Variants in SRGAP2B observed in about 807,000 individuals in gnomAD.
The protein encoded by SRGAP2B is SLIT-ROBO Rho GTPase-activating protein 2B.
Under a neutral mutation model 22.2 loss-of-function variants are expected in SRGAP2B, and 9 were observed. That is an observed-to-expected ratio of 0.41 (90% CI 0.24 to 0.71). The LOEUF (loss-of-function observed/expected upper bound fraction) is 0.71. Among genes scored for constraint, SRGAP2B ranks in the 30% least tolerant of loss-of-function variants. SRGAP2B has a pLI of 0.35. For missense variants in SRGAP2B, 114 were observed against 235.8 expected (o/e 0.48, Z 3.38); for synonymous variants, 36 against 87.4 (o/e 0.41, Z 3.28).
intron 2 of SRGAP2B, among the ~76,000 whole-genome samples, chr1:145,080,945 G>C (rs1652876304): frequency 6.7e-6 from 1 of 149,076 alleles, no homozygotes; most frequent in Non-Finnish European, 1.5e-5. Context: ...TAGTATTTTA[G>C]ATGAGAATAC....
intron 4 of SRGAP2B, among the ~76,000 whole-genome samples, chr1:144,950,840 ATC>A (rs56145910): frequency 1.7e-4 from 25 of 150,252 alleles, no homozygotes; most frequent in African/African-American, 5.7e-4. Context: ...GTTTTTCTTA[ATC>A]TCTCTCTCTC....
intron 2 of SRGAP2B, among the ~76,000 whole-genome samples, chr1:145,044,930 C>T (rs1649604250): frequency 6.7e-6 from 1 of 150,290 alleles, no homozygotes; most frequent in African/African-American, 2.5e-5. Context: ...GGTGGTAGAT[C>T]TGAGGCTACC....
In SRGAP2B at chr1:144,971,217, G is replaced by A. The variant is rs1347680385; in HGVS notation, c.261-15616C>T. 5.5e-5 allele frequency among the ~76,000 whole-genome samples: 8 copies of A among 145,626 alleles called. No homozygotes were observed. The South Asian group carries it at 1.3e-3, about 23-fold the overall frequency. On this transcript the variant is annotated intron_variant, in intron 3 of 9. Coordinates refer to ENST00000612199, the Ensembl canonical transcript of SRGAP2B. ...GCGATCTCGGCTCACCGCAACCTCC[G>A]CCTCCTGGGTTCAAGCGATTCTCCT...
intron 4 of SRGAP2B, among the ~76,000 whole-genome samples, chr1:144,934,514 CT>C (rs1378145761): frequency 4.1e-5 from 6 of 145,546 alleles, no homozygotes; most frequent in Admixed American, 4.1e-4. Context: ...GCATTTAAAT[CT>C]ATAGCACAAA....
chr1:145,001,947 A>C, intron 2 of SRGAP2B, among the ~76,000 whole-genome samples: 1 of 146,860 alleles, frequency 6.8e-6, no homozygotes, highest in East Asian at 2.0e-4. Context: ...GCTTGAGCCC[A>C]GGAGGTCAAG....
intron 3 of SRGAP2B, among the ~76,000 whole-genome samples, chr1:144,971,925 C>T (rs1553613345): frequency 6.7e-6 from 1 of 149,756 alleles, no homozygotes; most frequent in Non-Finnish European, 1.5e-5. Flanking sequence ...GTGGTTATTA[C>T]ATTTCATTCA....
intron 4 of SRGAP2B, among the ~76,000 whole-genome samples, chr1:144,924,938 A>G (rs1664549052): frequency 6.7e-6 from 1 of 149,082 alleles, no homozygotes; most frequent in South Asian, 2.1e-4. Context: ...TTTGATTTAC[A>G]TATTTTAAGC....
rs1205156603 is a variant in SRGAP2B, at chr1:144,976,205, TC to T, written c.260+18802del. Among the ~76,000 whole-genome samples the T allele has an allele frequency of 1.4e-4, 20 of 147,106 alleles. 1 individual carries two copies. The highest frequency in any genetic ancestry group is 2.7e-4 in the Non-Finnish European group (18 of 67,862). On this transcript the variant is annotated intron_variant, in intron 3 of 9. Transcript: ENST00000612199. ...TGGGTTAGTAATTCTGAAACAACTT[TC>T]TGTACACTCTAGGACTGAGCAATTA... is the stretch of plus-strand genomic sequence containing the variant.
intron 2 of SRGAP2B, among the ~76,000 whole-genome samples, chr1:145,041,075 G>GTATATA (rs370443273): frequency 0.035 from 2,628 of 76,082 alleles, 24 homozygotes; most frequent in Middle Eastern, 0.055. Flanking sequence ...TATATATATA[G>GTATATA]TATATATATA....
chr1:144,917,744 C>T (rs1553603953), intron 4 of SRGAP2B: 1 of 126,098 alleles, frequency 7.9e-6, no homozygotes, highest in African/African-American at 3.8e-5. Context: ...AGCGAGCCCA[C>T]TTAAAATGTG....
chr1:144,984,360 A>AACG (rs1669552450), intron 3 of SRGAP2B, among the ~76,000 whole-genome samples: 1 of 130,520 alleles, frequency 7.7e-6, no homozygotes, highest in Non-Finnish European at 1.7e-5. Flanking sequence ...CAACAACAAC[A>AACG]ACAACAAAAA....
rs1246017627 is a variant in SRGAP2B at position 145,085,025 on chromosome 1, C to T, written c.67+7810G>A. ...TGGCATGATCTCGGCTCACTGCAAC[C>T]TCTGCCTCTTGGATTCAAGCGATTC... On this transcript the variant is annotated intron_variant, in intron 2 of 9. Coordinates refer to ENST00000612199, the Ensembl canonical transcript of SRGAP2B. Among the ~76,000 whole-genome samples, 5 of 150,758 alleles carry T rather than the reference C, an allele frequency of 3.3e-5. No individual in the cohort carries two copies. The East Asian group carries it at 9.7e-4, about 29-fold the overall frequency.
chr1:144,922,927 C>T (rs1553604487), intron 4 of SRGAP2B, among the ~76,000 whole-genome samples: 1 of 151,202 alleles, frequency 6.6e-6, no homozygotes, highest in African/African-American at 2.5e-5. Flanking sequence ...GCTAGTGGCC[C>T]TGGGAGGAAA....
At chr1:144,970,896 C>T (rs1668463339) in intron 3 of SRGAP2B, among the ~76,000 whole-genome samples, 1 of 149,418 alleles carries the variant, frequency 6.7e-6, no homozygotes, top group Non-Finnish European at 1.5e-5. Flanking sequence ...AAGGTGATGC[C>T]CTTAAACAAA....
At chr1:145,021,014 G>C in intron 2 of SRGAP2B, among the ~76,000 whole-genome samples, 1 of 150,458 alleles carries the variant, frequency 6.6e-6, no homozygotes, top group East Asian at 1.9e-4. Flanking sequence ...TCACCAAGTT[G>C]TCCAGGTTGG....
chr1:145,011,537 C>T (rs1160415116), intron 2 of SRGAP2B, among the ~76,000 whole-genome samples: 1 of 150,548 alleles, frequency 6.6e-6, no homozygotes, highest in African/African-American at 2.5e-5. Flanking sequence ...ACACCCCATC[C>T]TGACCACACC....
At chr1:144,998,390 T>G (rs1297808709) in intron 2 of SRGAP2B, among the ~76,000 whole-genome samples, 1 of 117,110 alleles carries the variant, frequency 8.5e-6, no homozygotes, top group African/African-American at 3.7e-5. Flanking sequence ...GAGTACACCC[T>G]GAGGTCTACC....
exon 6 of SRGAP2B, chr1:144,906,041 T>A: frequency 1.4e-6 from 1 of 707,878 alleles, no homozygotes; most frequent in East Asian, 2.7e-5. Flanking sequence ...GCACTGATGC[T>A]GTCGGCATTG....
chr1:144,925,175 T>C (rs1664570376), intron 4 of SRGAP2B, among the ~76,000 whole-genome samples: 3 of 150,188 alleles, frequency 2.0e-5, no homozygotes, highest in South Asian at 4.2e-4. Flanking sequence ...GATAATTTTT[T>C]GTATTTTAGT....
Sources: allele counts gnomAD v4.1 joint callset (sites outside exome capture counted in the v4.1 genomes callset), GRCh38; gene constraint gnomAD v4.1.1; transcripts MANE v1.5; gene names NCBI Gene and HGNC (gene_info 2026-07-23, HGNC 2026-07-21).